PID1: variants seen among roughly 807,000 people sequenced by gnomAD.
PID1 encodes phosphotyrosine interaction domain containing 1.
Under a neutral mutation model 19.1 loss-of-function variants are expected in PID1, and 10 were observed. The observed-to-expected ratio is 0.52, with a 90% confidence interval of 0.32 to 0.89. PID1 has a LOEUF of 0.89. Ranked by LOEUF, PID1 falls within the 40% of genes least tolerant of loss-of-function variation. The probability of loss-of-function intolerance (pLI) is 0.03; values close to 1 mark genes in which losing one functional copy is unlikely to be tolerated. For synonymous variants in PID1, 130 were observed against 116.0 expected (o/e 1.12, Z -0.78); for missense variants, 248 against 285.3 (o/e 0.87, Z 0.94).
chr2:229,147,163 A>G (rs1690152906), intron 2 of PID1, among the ~76,000 whole-genome samples: 1 of 152,200 alleles, frequency 6.6e-6, no homozygotes, highest in Non-Finnish European at 1.5e-5. Context: ...GTTAAATGGA[A>G]AAACGTCACT....
intron 1 of PID1, among the ~76,000 whole-genome samples, chr2:229,179,128 C>T (rs1248003177): frequency 6.6e-6 from 1 of 152,090 alleles, no homozygotes; most frequent in East Asian, 1.9e-4. Context: ...CAAATCTTAC[C>T]CCTCATGATC....
At chr2:229,262,638 A>G in intron 1 of PID1, 3 of 1,544,434 alleles carry the variant, frequency 1.9e-6, no homozygotes, top group Non-Finnish European at 2.6e-6. Context: ...GTAACAAATA[A>G]CCATAAACTG....
chr2:229,062,005 G>T (rs550995307), intron 2 of PID1, among the ~76,000 whole-genome samples: 8 of 151,992 alleles, frequency 5.3e-5, no homozygotes, highest in East Asian at 1.9e-4. Context: ...AATTGTCAGG[G>T]TTTTATACAT....
chr2:229,133,933 C>T (rs937296800), intron 2 of PID1, among the ~76,000 whole-genome samples: 1 of 151,886 alleles, frequency 6.6e-6, no homozygotes, highest in South Asian at 2.1e-4. Context: ...TCCCTCCCAC[C>T]TCCCTGAGTT....
At position 229,113,431 on chromosome 2, in the gene PID1, T is replaced by C. The variant is rs1214705113; in HGVS notation, c.177+42387A>G. 9.6e-5 allele frequency among the ~76,000 whole-genome samples: 10 copies of C among 104,664 alleles called. No individual in the cohort carries two copies. In the East Asian group the frequency reaches 1.6e-3, roughly 17 times the overall value. The allele number at this position is 104,664 out of a possible 152,430, so 68.7% of individuals were successfully genotyped here. Reference sequence around the variant, plus strand: ...ATATTTATATATATATACACACACATACATATATATACACACACAAACACA... The same window carrying C: ...ATATTTATATATATATACACACACACACATATATATACACACACAAACACA... On this transcript the variant is annotated intron_variant, in intron 2 of 2. Coordinates refer to ENST00000392055, the MANE Select transcript of PID1 (RefSeq NM_001100818.2).
At chr2:229,036,369 T>C (rs1356467121) in intron 2 of PID1, among the ~76,000 whole-genome samples, 1 of 152,194 alleles carries the variant, frequency 6.6e-6, no homozygotes, top group Non-Finnish European at 1.5e-5. Context: ...GCTAGGTTTT[T>C]TCTTTTGTTT....
chr2:229,128,455 G>T (rs1282829689), intron 2 of PID1, among the ~76,000 whole-genome samples: 1 of 152,054 alleles, frequency 6.6e-6, no homozygotes, highest in East Asian at 1.9e-4. Flanking sequence ...ATGTACAAAT[G>T]GACTTATTTA....
At chr2:229,148,756 G>A in intron 2 of PID1, among the ~76,000 whole-genome samples, 1 of 151,572 alleles carries the variant, frequency 6.6e-6, no homozygotes, top group Non-Finnish European at 1.5e-5. Flanking sequence ...GGGAAAGAGG[G>A]AGAGAGGGAA....
At chr2:229,211,864 C>T (rs1274029466) in intron 1 of PID1, among the ~76,000 whole-genome samples, 2 of 152,188 alleles carry the variant, frequency 1.3e-5, no homozygotes, top group Non-Finnish European at 2.9e-5. Flanking sequence ...TCGCAAATTC[C>T]AATTAATCAG....
rs1044559370 is a variant in PID1 at position 229,093,325 on chromosome 2, C to T, written c.177+62493G>A. Among the ~76,000 whole-genome samples, 7 of 151,752 alleles carry T rather than the reference C, an allele frequency of 4.6e-5. No individual in the cohort carries two copies. In the East Asian group the frequency reaches 7.7e-4, roughly 17 times the overall value. On this transcript the variant is annotated intron_variant, in intron 2 of 2. Coordinates refer to ENST00000392055, the MANE Select transcript of PID1 (RefSeq NM_001100818.2). ...TTTTAGTAGAGATGGGGTTTCACCACGTTGTCCAGGCTGGTCTAGAATTCC... is the reference window on the plus strand; with the variant it reads ...TTTTAGTAGAGATGGGGTTTCACCATGTTGTCCAGGCTGGTCTAGAATTCC...
At chr2:229,204,779 A>G (rs1297412580) in intron 1 of PID1, among the ~76,000 whole-genome samples, 1 of 152,108 alleles carries the variant, frequency 6.6e-6, no homozygotes, top group East Asian at 1.9e-4. Flanking sequence ...TGAATGAATC[A>G]TTATGGGTGG....
intron 2 of PID1, among the ~76,000 whole-genome samples, chr2:229,116,880 A>G (rs995603496): frequency 1.3e-5 from 2 of 151,766 alleles, no homozygotes; most frequent in African/African-American, 2.4e-5. Flanking sequence ...GTTCTCCTCC[A>G]TATCTCTAAA....
intron 2 of PID1, among the ~76,000 whole-genome samples, chr2:229,128,993 T>C (rs931273253): frequency 6.6e-6 from 1 of 152,094 alleles, no homozygotes; most frequent in African/African-American, 2.4e-5. Flanking sequence ...TCAAAACATC[T>C]CATGTACCCC....
At chr2:229,148,659 A>G (rs1690185196) in intron 2 of PID1, among the ~76,000 whole-genome samples, 1 of 152,012 alleles carries the variant, frequency 6.6e-6, no homozygotes, top group Non-Finnish European at 1.5e-5. Context: ...GTGGATGTAG[A>G]ATGAAAGAAA....
intron 2 of PID1, among the ~76,000 whole-genome samples, chr2:229,090,251 T>C (rs1447133837): frequency 2.0e-5 from 3 of 152,166 alleles, no homozygotes; most frequent in South Asian, 2.1e-4. Context: ...TTAAAGAACG[T>C]AATCTGGAAA....
At chr2:229,196,541 T>A (rs1344797868) in intron 1 of PID1, among the ~76,000 whole-genome samples, 4 of 152,078 alleles carry the variant, frequency 2.6e-5, no homozygotes, top group Admixed American at 2.6e-4. Flanking sequence ...ATAAAAATGT[T>A]TCTAAGTACA....
chr2:229,175,151 A>C (rs1422004445), intron 1 of PID1, among the ~76,000 whole-genome samples: 1 of 152,208 alleles, frequency 6.6e-6, no homozygotes, highest in Non-Finnish European at 1.5e-5. Flanking sequence ...TACAAACAGA[A>C]AAAAAGTTCT....
At chr2:229,248,809 G>C (rs1253279961) in intron 1 of PID1, among the ~76,000 whole-genome samples, 1 of 151,868 alleles carries the variant, frequency 6.6e-6, no homozygotes, top group Non-Finnish European at 1.5e-5. Context: ...TATTTATTTT[G>C]AGGTGTACTA....
intron 2 of PID1, among the ~76,000 whole-genome samples, chr2:229,141,653 C>T (rs77623753): frequency 6.7e-6 from 1 of 149,456 alleles, no homozygotes; most frequent in Non-Finnish European, 1.5e-5. Flanking sequence ...GGGGGGGGAA[C>T]TAATTTCAGT....
Sources: gnomAD v4.1 joint callset for allele counts (sites outside exome capture counted in the v4.1 genomes callset) on GRCh38, gnomAD v4.1.1 for gene constraint, MANE v1.5 for transcripts, NCBI Gene and HGNC (gene_info 2026-07-23, HGNC 2026-07-21) for gene names.